The following AFF2 variants were observed in gnomAD, a reference collection of about 807,000 sequenced individuals.
The protein encoded by AFF2 is AF4/FMR2 family member 2.
A neutral mutation model predicts 76.9 loss-of-function variants in AFF2; 14 were observed. The ratio of observed to expected loss-of-function variants is 0.18; its 90% CI spans 0.12 to 0.28. AFF2 has a LOEUF of 0.28. AFF2 is among the 10% of genes least tolerant of loss of function. The pLI, the probability that AFF2 is intolerant of heterozygous loss-of-function variation, is 1.00. For missense variants in AFF2, 868 were observed against 1,001.1 expected, an observed-to-expected ratio of 0.87 and a Z score of 1.79; for synonymous variants, 398 against 366.7, an observed-to-expected ratio of 1.09 and a Z score of -0.98.
intron 4 of AFF2, among the ~76,000 whole-genome samples, chrX:148,824,712 G>A (rs956472444): frequency 1.8e-5 from 2 of 111,548 alleles, no homozygotes; most frequent in Admixed American, 9.5e-5. Flanking sequence ...CCATTGGGTT[G>A]CGTGTGGCAT....
At chrX:148,854,711 C>A (rs2070767687) in intron 7 of AFF2, among the ~76,000 whole-genome samples, 1 of 111,331 alleles carries the variant, frequency 9.0e-6, no homozygotes, top group Admixed American at 9.6e-5. Flanking sequence ...AAACAAGCAA[C>A]ATAGGGTCTC....
In AFF2 at chrX:148,517,039, A is replaced by G. The variant is rs781874989; in HGVS notation, c.47+15895A>G. On this transcript the variant is annotated intron_variant, in intron 1 of 20. Coordinates refer to ENST00000370460, the MANE Select transcript of AFF2 (RefSeq NM_002025.4). ...CTCCTGAAGAGAGGAATAGGCATTC[A>G]TTCATTCGTTCATTCAACAAATATA... 2.7e-5 allele frequency among the ~76,000 whole-genome samples: 3 copies of G among 112,231 alleles called. No individual in the cohort carries two copies. In the East Asian group the frequency reaches 8.4e-4, roughly 31 times the overall value.
chrX:148,514,120 G>T (rs781783667), intron 1 of AFF2, among the ~76,000 whole-genome samples: 3 of 111,640 alleles, frequency 2.7e-5, no homozygotes, highest in Non-Finnish European at 5.6e-5. Context: ...CAGGTTCTTG[G>T]GGTTAATGTG....
intron 9 of AFF2, among the ~76,000 whole-genome samples, chrX:148,911,430 A>G (rs782596010): frequency 2.7e-5 from 3 of 111,746 alleles, no homozygotes; most frequent in Non-Finnish European, 5.6e-5. Context: ...TGAATAAGGC[A>G]GTGGAATCTG....
intron 1 of AFF2, among the ~76,000 whole-genome samples, chrX:148,638,032 T>G (rs2054050059): frequency 9.0e-6 from 1 of 110,839 alleles, no homozygotes; most frequent in Admixed American, 9.6e-5. Flanking sequence ...TTCCACCACA[T>G]GACCTCCTCC....
chrX:148,958,332 T>G lies in AFF2; in HGVS notation c.2569-5T>G. On this transcript the variant is annotated splice_polypyrimidine_tract_variant and splice_region_variant and intron_variant, in intron 11 of 20. Coordinates refer to ENST00000370460, the MANE Select transcript of AFF2 (RefSeq NM_002025.4). ...AAGCTCTGTGTATTTTTTTCCCTGT[T>G]AAAGCCAATAGAAGTTGCAGAGAAG... is the stretch of plus-strand genomic sequence containing the variant. The G allele has an allele frequency of 1.7e-6, 2 of 1,211,058 alleles. No individual in the cohort carries two copies. The highest frequency in any genetic ancestry group is 1.1e-6 in the Non-Finnish European group (1 of 895,181).
At chrX:148,902,476 T>A (rs892943688) in intron 8 of AFF2, among the ~76,000 whole-genome samples, 4 of 111,349 alleles carry the variant, frequency 3.6e-5, no homozygotes, top group African/African-American at 1.3e-4. Context: ...AAGGGTTTTT[T>A]AAAAAAAAGG....
At chrX:148,961,511 C>T (rs1036975173) in intron 12 of AFF2, among the ~76,000 whole-genome samples, 3 of 111,840 alleles carry the variant, frequency 2.7e-5, no homozygotes, top group Non-Finnish European at 5.6e-5. Flanking sequence ...TTCAGTTTCG[C>T]TACACAACAA....
chrX:148,890,078 G>C (rs1196987035), intron 8 of AFF2, among the ~76,000 whole-genome samples: 1 of 111,855 alleles, frequency 8.9e-6, no homozygotes, highest in Non-Finnish European at 1.9e-5. Flanking sequence ...ACAGCTGCTG[G>C]GTTTTCTATC....
intron 7 of AFF2, among the ~76,000 whole-genome samples, chrX:148,871,381 G>C (rs1386633140): frequency 9.0e-6 from 1 of 111,323 alleles, no homozygotes; most frequent in Non-Finnish European, 1.9e-5. Flanking sequence ...CAGCAGAGGA[G>C]AAACTGCTGC....
At chrX:148,656,875 G>T (rs1395994530) in intron 2 of AFF2, among the ~76,000 whole-genome samples, 1 of 111,413 alleles carries the variant, frequency 9.0e-6, no homozygotes, top group Non-Finnish European at 1.9e-5. Context: ...TTTAGACCTT[G>T]CATCCAGTTC....
At chrX:148,773,737 A>AGAAAGAAAGAAAGAAAGAAG (rs1569555328) in intron 3 of AFF2, among the ~76,000 whole-genome samples, 39 of 107,725 alleles carry the variant, frequency 3.6e-4, no homozygotes, top group African/African-American at 1.2e-3. Flanking sequence ...AAAGAAAGAA[A>AGAAAGAAAGAAAGAAAGAAG]GAAAGAAAGA....
At chrX:148,841,625 A>T (rs1196745695) in intron 5 of AFF2, among the ~76,000 whole-genome samples, 1 of 111,799 alleles carries the variant, frequency 8.9e-6, no homozygotes. Flanking sequence ...TGTGCTTTTT[A>T]AGTTCAGACT....
At chrX:148,862,742 A>C (rs1359976559) in intron 7 of AFF2, among the ~76,000 whole-genome samples, 1 of 112,528 alleles carries the variant, frequency 8.9e-6, no homozygotes, top group Non-Finnish European at 1.9e-5. Flanking sequence ...TTCTGTGTGC[A>C]CAGTACTTCA....
intron 1 of AFF2, among the ~76,000 whole-genome samples, chrX:148,524,131 G>C (rs868948612): frequency 3.1e-4 from 32 of 104,784 alleles, no homozygotes; most frequent in African/African-American, 6.7e-4. Context: ...CTCTGTGTGT[G>C]TGTGTGTGTG....
intron 3 of AFF2, among the ~76,000 whole-genome samples, chrX:148,686,976 A>G (rs1234273422): frequency 8.9e-6 from 1 of 111,964 alleles, no homozygotes; most frequent in Admixed American, 9.5e-5. Flanking sequence ...ACAGAAAGAT[A>G]GGCAAGTAAA....
At chrX:148,581,226 A>G (rs1314305660) in intron 1 of AFF2, among the ~76,000 whole-genome samples, 1 of 63,712 alleles carries the variant, frequency 1.6e-5, no homozygotes, top group Non-Finnish European at 2.8e-5. Context: ...TATATAATAT[A>G]CGTATACGTA....
chrX:148,678,219 G>A (rs1457178192), intron 3 of AFF2, among the ~76,000 whole-genome samples: 1 of 111,672 alleles, frequency 9.0e-6, no homozygotes, highest in Non-Finnish European at 1.9e-5. Flanking sequence ...ATAGAAGCCT[G>A]GCAAGAGAAG....
At chrX:148,515,496 A>G (rs2052525406) in intron 1 of AFF2, among the ~76,000 whole-genome samples, 1 of 112,241 alleles carries the variant, frequency 8.9e-6, no homozygotes, top group Admixed American at 9.4e-5. Context: ...TAGCTTTAGT[A>G]CTGATACTTT....
Sources: allele counts gnomAD v4.1 joint callset (sites outside exome capture counted in the v4.1 genomes callset), GRCh38; gene constraint gnomAD v4.1.1; transcripts MANE v1.5; gene names NCBI Gene and HGNC (gene_info 2026-07-23, HGNC 2026-07-21).